The following ZNF236 variants were observed in gnomAD, a reference collection of about 807,000 sequenced individuals.
The protein encoded by ZNF236 is zinc finger protein 236, also known as regulated by glucose.
Under a neutral mutation model 191.2 loss-of-function variants are expected in ZNF236, and 50 were observed. The observed-to-expected ratio is 0.26, with a 90% confidence interval of 0.21 to 0.33. ZNF236 has a LOEUF of 0.33. Among genes scored for constraint, ZNF236 ranks in the 10% least tolerant of loss-of-function variants. The pLI is 1.00. For synonymous variants in ZNF236, 907 were observed against 928.8 expected, an observed-to-expected ratio of 0.98 and a Z score of 0.43; for missense variants, 1,754 against 2,374.5, an observed-to-expected ratio of 0.74 and a Z score of 5.43.
chr18:76,897,378 T>C (rs757511572), intron 10 of ZNF236, among the ~76,000 whole-genome samples: 7 of 147,124 alleles, frequency 4.8e-5, no homozygotes, highest in Non-Finnish European at 7.5e-5. Context: ...AAGTAGTACA[T>C]AGAGTACCAA....
intron 1 of ZNF236, among the ~76,000 whole-genome samples, chr18:76,835,684 G>GTTA (rs1208918635): frequency 6.6e-6 from 1 of 151,996 alleles, no homozygotes; most frequent in Non-Finnish European, 1.5e-5. Context: ...TTATATGTAA[G>GTTA]TTATATCTCT....
intron 1 of ZNF236, among the ~76,000 whole-genome samples, chr18:76,829,016 G>A (rs1014182689): frequency 6.6e-6 from 1 of 152,160 alleles, no homozygotes; most frequent in Non-Finnish European, 1.5e-5. Context: ...TTATAATCCT[G>A]GCATTAAGTA....
intron 25 of ZNF236, among the ~76,000 whole-genome samples, chr18:76,934,817 GAAA>G (rs1267149275): frequency 5.9e-5 from 9 of 152,242 alleles, no homozygotes; most frequent in Admixed American, 2.0e-4. Context: ...TTAATCGCAA[GAAA>G]AAACTGATAT....
chr18:76,823,553 G>A (rs1057348934), intron 1 of ZNF236, among the ~76,000 whole-genome samples: 1 of 152,224 alleles, frequency 6.6e-6, no homozygotes, highest in African/African-American at 2.4e-5. Context: ...CACAGTAGGC[G>A]TCAGGAAGTG....
At chr18:76,883,952 G>A (rs2122656591) in intron 9 of ZNF236, among the ~76,000 whole-genome samples, 1 of 152,302 alleles carries the variant, frequency 6.6e-6, no homozygotes, top group Admixed American at 6.5e-5. Flanking sequence ...ACTCCGCCAT[G>A]TAAAATTATT....
chr18:76,952,329 G>A (rs927393835), intron 27 of ZNF236, among the ~76,000 whole-genome samples: 17 of 152,220 alleles, frequency 1.1e-4, no homozygotes, highest in African/African-American at 4.1e-4. Flanking sequence ...TTGTAGCACT[G>A]TTTGCCAACA....
At position 76,971,482 on chromosome 18, in the gene ZNF236, G is replaced by T. The variant is rs1386235892; in HGVS notation, c.*3143G>T. Among the ~76,000 whole-genome samples the T allele has an allele frequency of 6.6e-6, 1 of 152,140 alleles. No homozygotes were observed. The highest frequency in any genetic ancestry group is 1.9e-4 in the East Asian group (1 of 5,192). On this transcript the variant is annotated 3_prime_UTR_variant, in exon 31 of 31. Coordinates refer to ENST00000320610, the MANE Select transcript of ZNF236 (RefSeq NM_001306089.2). ...GTGCTTGTCTGGCACTTAACTAGGG[G>T]ATGTTTCCTTCGTGCATATTTTCTA...
At chr18:76,905,541 TCAAG>T (rs1977715205) in intron 13 of ZNF236, 126 bp downstream of exon 13, 3 of 348,304 alleles carry the variant, frequency 8.6e-6, no homozygotes, top group African/African-American at 6.5e-5. Context: ...CTATATGGGC[TCAAG>T]AAAAAAAAAA....
chr18:76,915,362 T>TGAA (rs1362219915), intron 18 of ZNF236, among the ~76,000 whole-genome samples: 2 of 151,850 alleles, frequency 1.3e-5, no homozygotes, highest in Admixed American at 1.3e-4. Flanking sequence ...TTGAAGACTG[T>TGAA]GACTTCACAG....
intron 10 of ZNF236, among the ~76,000 whole-genome samples, chr18:76,896,846 T>G: frequency 6.6e-6 from 1 of 150,794 alleles, no homozygotes; most frequent in East Asian, 2.0e-4. Flanking sequence ...GTACTGTGCA[T>G]AGGTACTGCA....
chr18:76,855,250 G>A (rs902124333), intron 3 of ZNF236, among the ~76,000 whole-genome samples: 7 of 152,130 alleles, frequency 4.6e-5, no homozygotes, highest in African/African-American at 1.7e-4. Flanking sequence ...AGCCGAAAAT[G>A]TATTAAATAA....
chr18:76,884,245 C>CA (rs1253372096), intron 9 of ZNF236, among the ~76,000 whole-genome samples: 1 of 151,618 alleles, frequency 6.6e-6, no homozygotes, highest in Admixed American at 6.6e-5. Flanking sequence ...ATTAAAAATA[C>CA]AAAAAATTAG....
chr18:76,899,146 A>G lies in ZNF236; in HGVS notation c.1818A>G (p.Ala606=), dbSNP rs1471665303. Residue 606 remains alanine, a synonymous_variant, in exon 11 of 31, where the codon GCA becomes GCG. Coordinates refer to ENST00000320610, the MANE Select transcript of ZNF236 (RefSeq NM_001306089.2). The part of the protein sequence containing the change: ...LRKMRHQRKP[A]KVRVGKTNIP... ...AAATGAGGCACCAGCGTAAACCTGCAAAGGTCCGTGTTGGCAAGACGAATA... is the reference window on the plus strand; with the variant it reads ...AAATGAGGCACCAGCGTAAACCTGCGAAGGTCCGTGTTGGCAAGACGAATA... 1 of 1,614,186 alleles carries G rather than the reference A, an allele frequency of 6.2e-7. No individual in the cohort carries two copies. Among genetic ancestry groups the G allele is most frequent in the South Asian group, 1.1e-5 (1 of 91,080 alleles).
At chr18:76,926,938 A>G in intron 22 of ZNF236, 99 bp from the exon 23 acceptor site, 1 of 1,383,912 alleles carries the variant, frequency 7.2e-7, no homozygotes, top group African/African-American at 1.4e-5. Context: ...TAATGTGTAC[A>G]ACTTATGTAT....
intron 26 of ZNF236, among the ~76,000 whole-genome samples, chr18:76,942,996 A>G (rs188682054): frequency 2.7e-5 from 4 of 150,312 alleles, no homozygotes; most frequent in Admixed American, 6.6e-5. Flanking sequence ...GGTGGCGGGC[A>G]CCTGTGGTCC....
intron 9 of ZNF236, among the ~76,000 whole-genome samples, chr18:76,884,377 G>A (rs867682443): frequency 9.9e-5 from 15 of 151,212 alleles, no homozygotes; most frequent in Non-Finnish European, 1.9e-4. Context: ...CTCCAGCCCC[G>A]GCGACAGTGT....
At chr18:76,825,357 A>C (rs919984671) in intron 1 of ZNF236, among the ~76,000 whole-genome samples, 2 of 152,140 alleles carry the variant, frequency 1.3e-5, no homozygotes, top group Non-Finnish European at 2.9e-5. Context: ...TCATAGACTA[A>C]GACTGTTAGG....
chr18:76,945,010 A>G (rs1356622185), intron 26 of ZNF236, among the ~76,000 whole-genome samples: 6 of 152,082 alleles, frequency 3.9e-5, no homozygotes, highest in African/African-American at 7.3e-5. Context: ...AGTTGTTATC[A>G]TTGATAAGCC....
intron 26 of ZNF236, among the ~76,000 whole-genome samples, chr18:76,943,947 G>T (rs906954081): frequency 6.6e-6 from 1 of 152,230 alleles, no homozygotes; most frequent in Non-Finnish European, 1.5e-5. Flanking sequence ...TAATGAAATT[G>T]TACATGTGAG....
Sources: gnomAD v4.1 joint callset for allele counts (sites outside exome capture counted in the v4.1 genomes callset) on GRCh38, gnomAD v4.1.1 for gene constraint, MANE v1.5 for transcripts, NCBI Gene and HGNC (gene_info 2026-07-23, HGNC 2026-07-21) for gene names.